SMYD3: variants seen among roughly 807,000 people sequenced by gnomAD.
The protein encoded by SMYD3 is SET and MYND domain containing 3, also known as histone-lysine N-methyltransferase SMYD3.
Under a neutral mutation model 57.7 loss-of-function variants are expected in SMYD3, and 36 were observed. That is an observed-to-expected ratio of 0.62 (90% CI 0.48 to 0.82). The LOEUF (loss-of-function observed/expected upper bound fraction) is 0.82. SMYD3 is among the 40% of genes least tolerant of loss of function. The probability of loss-of-function intolerance (pLI) is 0.00; values close to 1 mark genes in which losing one functional copy is unlikely to be tolerated. For synonymous variants in SMYD3, 211 were observed against 195.0 expected, an observed-to-expected ratio of 1.08 and a Z score of -0.68; for missense variants, 515 against 538.8, an observed-to-expected ratio of 0.96 and a Z score of 0.44.
intron 5 of SMYD3, chr1:245,930,505 G>C (rs2056649001): frequency 3.8e-6 from 1 of 265,204 alleles, no homozygotes; most frequent in African/African-American, 2.3e-5. Flanking sequence ...TCCATCACTG[G>C]GTACATGACA....
chr1:246,358,368 G>A (rs946534840), intron 1 of SMYD3, among the ~76,000 whole-genome samples: 2 of 152,078 alleles, frequency 1.3e-5, no homozygotes, highest in African/African-American at 4.8e-5. Context: ...TAATAGTGGG[G>A]GATTTTATTA....
intron 8 of SMYD3, among the ~76,000 whole-genome samples, chr1:245,876,831 G>A (rs1196097286): frequency 6.6e-6 from 1 of 152,220 alleles, no homozygotes; most frequent in East Asian, 1.9e-4. Context: ...AGAGAGGTAA[G>A]CCCTGGGGCT....
At chr1:246,297,511 C>T (rs559767989) in intron 5 of SMYD3, among the ~76,000 whole-genome samples, 19 of 152,094 alleles carry the variant, frequency 1.2e-4, no homozygotes, top group African/African-American at 1.2e-4. Context: ...GAACCCTCAA[C>T]GAACAAAGGT....
At chr1:246,146,580 T>C (rs1033974336) in intron 5 of SMYD3, among the ~76,000 whole-genome samples, 3 of 152,112 alleles carry the variant, frequency 2.0e-5, no homozygotes, top group East Asian at 1.9e-4. Flanking sequence ...GGGTAAGGCA[T>C]AAAAGACTAA....
In SMYD3 at chr1:246,282,001, T is replaced by C. The variant is rs182255336; in HGVS notation, c.531+45200A>G. The stretch of plus-strand genomic sequence containing the variant: ...GGAGGTAGAATGTCATTAAATTCCT[T>C]TCTGTTTTTGTAACATATCTACAAG... On this transcript the variant is annotated intron_variant, in intron 5 of 11. Coordinates refer to ENST00000490107, the MANE Select transcript of SMYD3 (RefSeq NM_001167740.2). 2.7e-3 allele frequency among the ~76,000 whole-genome samples: 418 copies of C among 152,252 alleles called. 3 individuals carry two copies. Among genetic ancestry groups the C allele is most frequent in the Non-Finnish European group, 4.5e-3 (304 of 68,002 alleles).
chr1:246,239,562 T>G (rs1408185156), intron 5 of SMYD3, among the ~76,000 whole-genome samples: 2 of 152,358 alleles, frequency 1.3e-5, no homozygotes, highest in East Asian at 1.9e-4. Flanking sequence ...CGTGTGCATG[T>G]GTCTTTATAG....
In SMYD3 at chr1:246,335,380, A is replaced by C; in HGVS notation, c.323T>G (p.Val108Gly). The change falls in exon 3 of 12, where the codon GTT (valine) becomes GGT (glycine). Residue 108 changes from valine (V) to glycine (G), a missense_variant. Transcript: ENST00000490107. ...TTTTATACTCACAAGTTTGAAGACA[A>C]CTCTGCCAAGAAGTCGAACGGAGTC... ...PPDSVRLLGRVVFKLMDGAPS... is the reference protein window; with the variant it reads ...PPDSVRLLGRGVFKLMDGAPS... The C allele has an allele frequency of 6.2e-7, 1 of 1,613,952 alleles. No homozygotes were observed. Among genetic ancestry groups the C allele is most frequent in the Non-Finnish European group, 8.5e-7 (1 of 1,179,900 alleles).
At chr1:246,301,820 C>A (rs963694066) in intron 5 of SMYD3, among the ~76,000 whole-genome samples, 1 of 152,144 alleles carries the variant, frequency 6.6e-6, no homozygotes, top group Non-Finnish European at 1.5e-5. Flanking sequence ...AAATAAGTGA[C>A]TATAATACAA....
At chr1:246,242,500 T>G (rs2063631596) in intron 5 of SMYD3, among the ~76,000 whole-genome samples, 1 of 152,180 alleles carries the variant, frequency 6.6e-6, no homozygotes, top group Non-Finnish European at 1.5e-5. Flanking sequence ...TGAGGAGTGC[T>G]TTACTGAGAC....
intron 8 of SMYD3, among the ~76,000 whole-genome samples, chr1:245,877,975 G>A (rs1036099302): frequency 2.6e-5 from 4 of 152,184 alleles, no homozygotes; most frequent in Non-Finnish European, 5.9e-5. Flanking sequence ...GCAAAGCGGA[G>A]AAGTAAAGGA....
At chr1:246,068,305 C>T (rs1439787236) in intron 5 of SMYD3, among the ~76,000 whole-genome samples, 1 of 147,092 alleles carries the variant, frequency 6.8e-6, no homozygotes, top group South Asian at 2.1e-4. Context: ...AAAAAAAGAA[C>T]ACCCACGCAG....
chr1:245,836,394 C>T (rs964366089), intron 10 of SMYD3, among the ~76,000 whole-genome samples: 4 of 152,208 alleles, frequency 2.6e-5, no homozygotes, highest in African/African-American at 9.6e-5. Flanking sequence ...CATGCACTCA[C>T]AATAGCACAT....
chr1:245,775,731 TAA>T (rs68076065), intron 10 of SMYD3, among the ~76,000 whole-genome samples: 57,913 of 137,690 alleles, frequency 0.42, 15,045 homozygotes, highest in East Asian at 0.78. Context: ...AAAAAAAAAA[TAA>T]AAAAAATAAA....
At chr1:246,068,495 G>A (rs1350625882) in intron 5 of SMYD3, among the ~76,000 whole-genome samples, 2 of 152,180 alleles carry the variant, frequency 1.3e-5, no homozygotes, top group Non-Finnish European at 2.9e-5. Context: ...CTTTGCTGAT[G>A]GATGCAGAGC....
intron 8 of SMYD3, among the ~76,000 whole-genome samples, chr1:245,880,223 T>C (rs569850939): frequency 6.6e-6 from 1 of 152,360 alleles, no homozygotes; most frequent in African/African-American, 2.4e-5. Flanking sequence ...ACTCATTTAA[T>C]TCCATGGAGA....
At chr1:245,782,938 T>C (rs1297454494) in intron 10 of SMYD3, among the ~76,000 whole-genome samples, 1 of 152,172 alleles carries the variant, frequency 6.6e-6, no homozygotes, top group African/African-American at 2.4e-5. Flanking sequence ...CTTCACACTG[T>C]CAGAATCATG....
chr1:246,327,483 T>C, intron 4 of SMYD3, 146 bp from the exon 5 acceptor site: 1 of 765,378 alleles, frequency 1.3e-6, no homozygotes, highest in Non-Finnish European at 2.0e-6. Flanking sequence ...GTTTTATCTT[T>C]TGACAACTAA....
chr1:246,427,466 G>A (rs1259044009), intron 1 of SMYD3, among the ~76,000 whole-genome samples: 5 of 148,884 alleles, frequency 3.4e-5, no homozygotes, highest in African/African-American at 7.4e-5. Context: ...CTTGCAGTGA[G>A]CCGAGATCCC....
chr1:246,230,875 G>A (rs947931482), intron 5 of SMYD3, among the ~76,000 whole-genome samples: 3 of 152,138 alleles, frequency 2.0e-5, no homozygotes, highest in African/African-American at 2.4e-5. Flanking sequence ...GTGGCTACTG[G>A]TTACCATATT....
Sources: gnomAD v4.1 joint callset for allele counts (sites outside exome capture counted in the v4.1 genomes callset) on GRCh38, gnomAD v4.1.1 for gene constraint, MANE v1.5 for transcripts, NCBI Gene and HGNC (gene_info 2026-07-23, HGNC 2026-07-21) for gene names.